The following EYS variants were observed in gnomAD, a reference collection of about 807,000 sequenced individuals.
EYS encodes the protein protein eyes shut homolog.
EYS carries 250 observed loss-of-function variants against 282.1 expected under a neutral mutation model. That is an observed-to-expected ratio of 0.89 (90% confidence interval 0.80 to 0.98). The LOEUF (loss-of-function observed/expected upper bound fraction) is 0.98. Ranked by LOEUF, EYS falls within the 50% of genes least tolerant of loss-of-function variation. The pLI, the probability that EYS is intolerant of heterozygous loss-of-function variation, is 0.00. For missense variants in EYS, 4,016 were observed against 3,709.0 expected (o/e 1.08, Z -2.15); for synonymous variants, 1,355 against 1,282.9 (o/e 1.06, Z -1.20).
At chr6:64,918,960 A>G (rs2150080278) in intron 15 of EYS, among the ~76,000 whole-genome samples, 1 of 152,304 alleles carries the variant, frequency 6.6e-6, no homozygotes, top group South Asian at 2.1e-4. Context: ...ATAAATTTAA[A>G]TTTGGCCTTC....
rs752748285 is a variant in EYS at position 63,890,658 on chromosome 6, C to G, written c.7056-26300G>C. On this transcript the variant is annotated intron_variant, in intron 35 of 42. Transcript: ENST00000503581. The stretch of plus-strand genomic sequence containing the variant: ...GGAGAAAGCAGGAAGGATCTAAAAT[C>G]GACACCCTAACATCAGAATTAAAAG... Among the ~76,000 whole-genome samples, 2 of 151,976 alleles carry G rather than the reference C, an allele frequency of 1.3e-5. 1 individual carries two copies. The highest frequency in any genetic ancestry group is 4.1e-4 in the South Asian group (2 of 4,822).
chr6:64,426,613 C>A (rs1281009398), intron 28 of EYS, among the ~76,000 whole-genome samples: 1 of 151,468 alleles, frequency 6.6e-6, no homozygotes, highest in Non-Finnish European at 1.5e-5. Flanking sequence ...TAAAGGTGAT[C>A]CTGAAGAAGA....
At chr6:64,000,181 T>TCAGA (rs1562142308) in intron 33 of EYS, among the ~76,000 whole-genome samples, 1 of 68,566 alleles carries the variant, frequency 1.5e-5, no homozygotes, top group Non-Finnish European at 2.8e-5. Flanking sequence ...TTTTTTTTTT[T>TCAGA]TTTTTTTTTT....
At chr6:63,928,161 G>A (rs772010136) in intron 35 of EYS, among the ~76,000 whole-genome samples, 1 of 152,174 alleles carries the variant, frequency 6.6e-6, no homozygotes, top group Admixed American at 6.5e-5. Flanking sequence ...CATTTAAAGT[G>A]CTAGACAACA....
chr6:64,190,370 C>G (rs1231879862), intron 31 of EYS, among the ~76,000 whole-genome samples: 1 of 152,152 alleles, frequency 6.6e-6, no homozygotes, highest in Admixed American at 6.6e-5. Flanking sequence ...GAAGTCACCA[C>G]CACTGTTTCC....
chr6:64,738,766 A>AT (rs1000229109), intron 22 of EYS, among the ~76,000 whole-genome samples: 4 of 152,046 alleles, frequency 2.6e-5, no homozygotes, highest in East Asian at 1.9e-4. Context: ...AATTTTAGTA[A>AT]TTTTTTTTAA....
intron 29 of EYS, among the ~76,000 whole-genome samples, chr6:64,316,266 G>T (rs1582586792): frequency 6.6e-6 from 1 of 152,118 alleles, no homozygotes; most frequent in African/African-American, 2.4e-5. Flanking sequence ...TAGGAAAAGA[G>T]GGAGTCAAAT....
intron 5 of EYS, among the ~76,000 whole-genome samples, chr6:65,443,128 A>G (rs1183496384): frequency 2.1e-5 from 3 of 144,770 alleles, no homozygotes; most frequent in Non-Finnish European, 4.7e-5. Flanking sequence ...ATATATGTAC[A>G]CATCATACAT....
At chr6:63,985,369 T>C (rs1767307620) in intron 34 of EYS, among the ~76,000 whole-genome samples, 1 of 151,704 alleles carries the variant, frequency 6.6e-6, no homozygotes, top group Non-Finnish European at 1.5e-5. Flanking sequence ...TACAGTTCTT[T>C]AGTTTCTAGT....
At chr6:64,742,812 T>A (rs1772419696) in intron 22 of EYS, among the ~76,000 whole-genome samples, 1 of 152,130 alleles carries the variant, frequency 6.6e-6, no homozygotes, top group Non-Finnish European at 1.5e-5. Flanking sequence ...AGGGAATGGC[T>A]CCATGATGCA....
At chr6:64,723,532 G>T (rs376851067) in intron 22 of EYS, among the ~76,000 whole-genome samples, 1 of 152,008 alleles carries the variant, frequency 6.6e-6, no homozygotes, top group Non-Finnish European at 1.5e-5. Flanking sequence ...TAAATCTTAC[G>T]CCCACTCTCT....
chr6:65,317,830 CTTT>C (rs1562093054), intron 11 of EYS, among the ~76,000 whole-genome samples: 1,164 of 77,614 alleles, frequency 0.015, 3 homozygotes, highest in Middle Eastern at 0.02. Flanking sequence ...TCCTTCCTTT[CTTT>C]CTTTCTTTCT....
At position 64,590,924 on chromosome 6, in the gene EYS, G is replaced by T. The variant is rs754649480; in HGVS notation, c.4943C>A (p.Ser1648Tyr). Residue 1648 changes from serine to tyrosine, a missense_variant, in exon 26 of 43, where the codon TCC becomes TAC. Transcript: ENST00000503581. ...RTILSSSLEE[S>Y]ITLSSNLDVN... Reference sequence around the variant, plus strand: ...ATCCAAATTACTTGATAGGGTAATGGATTCTTCCAAGGATGAGGATAAAAT... The same window carrying T: ...ATCCAAATTACTTGATAGGGTAATGTATTCTTCCAAGGATGAGGATAAAAT... 1.6e-5 allele frequency: 25 copies of T among 1,550,340 alleles called. No homozygotes were observed. The South Asian group carries it at 3.0e-4, about 18-fold the overall frequency.
At chr6:65,201,533 T>G (rs841534) in intron 12 of EYS, among the ~76,000 whole-genome samples, 10,754 of 152,212 alleles carry the variant, frequency 0.071, 429 homozygotes, top group African/African-American at 0.11. Context: ...AATAACGTGG[T>G]GAATAATGTC....
intron 26 of EYS, among the ~76,000 whole-genome samples, chr6:64,574,878 A>T (rs1182110173): frequency 1.3e-5 from 2 of 152,150 alleles, no homozygotes; most frequent in Non-Finnish European, 2.9e-5. Flanking sequence ...ATATTAAATG[A>T]TCTAAAAGAA....
At chr6:65,493,959 A>T (rs2127269872) in intron 4 of EYS, among the ~76,000 whole-genome samples, 1 of 152,264 alleles carries the variant, frequency 6.6e-6, no homozygotes, top group Non-Finnish European at 1.5e-5. Flanking sequence ...TCCTCTACTG[A>T]GATGCATAAT....
At chr6:64,444,277 G>C (rs1239894864) in intron 26 of EYS, among the ~76,000 whole-genome samples, 3 of 152,116 alleles carry the variant, frequency 2.0e-5, no homozygotes, top group Non-Finnish European at 4.4e-5. Context: ...CCTTAGAGAT[G>C]GACTAAATGG....
chr6:64,419,980 C>T (rs555898148), intron 28 of EYS, among the ~76,000 whole-genome samples: 15 of 152,344 alleles, frequency 9.8e-5, no homozygotes, highest in African/African-American at 2.9e-4. Flanking sequence ...TTCTGCACTG[C>T]CCTAGCAGAG....
intron 13 of EYS, among the ~76,000 whole-genome samples, chr6:65,026,274 C>G (rs1030359241): frequency 6.6e-6 from 1 of 152,144 alleles, no homozygotes; most frequent in African/African-American, 2.4e-5. Flanking sequence ...ATACTGTAGG[C>G]TGGAACTGCA....
Sources: allele counts gnomAD v4.1 joint callset (sites outside exome capture counted in the v4.1 genomes callset), GRCh38; gene constraint gnomAD v4.1.1; transcripts MANE v1.5; gene names NCBI Gene and HGNC (gene_info 2026-07-23, HGNC 2026-07-21).